The following NLGN1 variants were observed in gnomAD, a reference collection of about 807,000 sequenced individuals.
NLGN1 encodes neuroligin-1.
NLGN1 carries 12 observed loss-of-function variants against 65.5 expected under a neutral mutation model. The observed-to-expected ratio is 0.18, with a 90% confidence interval of 0.12 to 0.30. The LOEUF is 0.30. Ranked by LOEUF, NLGN1 falls within the 10% of genes least tolerant of loss-of-function variation. NLGN1 has a pLI of 1.00. For missense variants in NLGN1, 750 were observed against 1,007.1 expected (o/e 0.74, Z 3.46); for synonymous variants, 350 against 359.5 (o/e 0.97, Z 0.30).
chr3:173,662,890 G>A (rs1367249541), intron 3 of NLGN1, among the ~76,000 whole-genome samples: 1 of 151,882 alleles, frequency 6.6e-6, no homozygotes, highest in Admixed American at 6.6e-5. Flanking sequence ...CTTTTCCATA[G>A]GTATTTGGAG....
chr3:173,949,697 G>A (rs2152326134), intron 4 of NLGN1, among the ~76,000 whole-genome samples: 1 of 152,262 alleles, frequency 6.6e-6, no homozygotes, highest in Non-Finnish European at 1.5e-5. Context: ...GTCAGAAAGT[G>A]AAACATGACA....
In NLGN1 at chr3:174,043,020, C is replaced by T. The variant is rs145091598; in HGVS notation, c.647-232295C>T. Among the ~76,000 whole-genome samples the T allele has an allele frequency of 6.2e-3, 950 of 152,262 alleles. 22 individuals carry two copies. The highest frequency in any genetic ancestry group is 0.039 in the East Asian group (200 of 5,170). ...CTTACAATCATGGTGGAAAGCACCT[C>T]GTCACAGGATGGCAGGAGAGAAAAA... On this transcript the variant is annotated intron_variant, in intron 4 of 6. Transcript: ENST00000457714.
chr3:173,867,140 A>G (rs1451655775), intron 4 of NLGN1, among the ~76,000 whole-genome samples: 7 of 152,290 alleles, frequency 4.6e-5, no homozygotes, highest in Non-Finnish European at 4.4e-5. Flanking sequence ...TTTAGATAAA[A>G]ACTATCAAAT....
At chr3:173,840,974 A>C (rs2150673299) in intron 4 of NLGN1, among the ~76,000 whole-genome samples, 1 of 152,266 alleles carries the variant, frequency 6.6e-6, no homozygotes, top group South Asian at 2.1e-4. Context: ...AATCCCTGTA[A>C]ATACTGTAGA....
chr3:174,057,742 A>C (rs978978422), intron 4 of NLGN1: 2 of 152,052 alleles, frequency 1.3e-5, no homozygotes, highest in African/African-American at 2.4e-5. Flanking sequence ...CTCCATCTGC[A>C]TCTCTCCCAA....
intron 4 of NLGN1, among the ~76,000 whole-genome samples, chr3:173,924,579 C>T (rs946303393): frequency 1.3e-4 from 19 of 151,402 alleles, no homozygotes; most frequent in Admixed American, 1.1e-3. Context: ...GCCATAGTCA[C>T]CCCACTGCAA....
At chr3:173,433,849 T>C (rs1717626188) in intron 1 of NLGN1, among the ~76,000 whole-genome samples, 1 of 152,202 alleles carries the variant, frequency 6.6e-6, no homozygotes, top group Admixed American at 6.5e-5. Context: ...TTAGGTTATA[T>C]AATTAGTATT....
At chr3:174,118,630 T>C (rs1057138432) in intron 4 of NLGN1, among the ~76,000 whole-genome samples, 5 of 152,112 alleles carry the variant, frequency 3.3e-5, no homozygotes, top group African/African-American at 1.2e-4. Context: ...GAAGTTATTC[T>C]TGAAGGATTC....
At chr3:174,255,571 T>C (rs1745565188) in intron 4 of NLGN1, among the ~76,000 whole-genome samples, 2 of 151,884 alleles carry the variant, frequency 1.3e-5, no homozygotes, top group Admixed American at 6.5e-5. Context: ...TTGATCAATT[T>C]TGAGATTTAA....
intron 4 of NLGN1, among the ~76,000 whole-genome samples, chr3:174,242,142 G>C (rs1463549474): frequency 6.6e-6 from 1 of 152,152 alleles, no homozygotes; most frequent in Non-Finnish European, 1.5e-5. Context: ...TGATTTTAAT[G>C]TGTTGATAAT....
At chr3:173,792,385 C>T (rs944240068) in intron 3 of NLGN1, among the ~76,000 whole-genome samples, 1 of 152,104 alleles carries the variant, frequency 6.6e-6, no homozygotes, top group Admixed American at 6.6e-5. Flanking sequence ...GTGTAGAGAA[C>T]TATCTCTCTC....
rs1458389137 is a variant in NLGN1 at position 173,420,052 on chromosome 3, A to C, written c.-389-14958A>C. On this transcript the variant is annotated intron_variant, in intron 1 of 6. Transcript: ENST00000457714. Reference sequence around the variant, plus strand: ...ACCTTTTTTGTTTTCCATTTGCTTGATAGATCTTTTTTCTTTTTTTTTTCA... The same window carrying C: ...ACCTTTTTTGTTTTCCATTTGCTTGCTAGATCTTTTTTCTTTTTTTTTTCA... Among the ~76,000 whole-genome samples, 12 of 145,892 alleles carry C rather than the reference A, an allele frequency of 8.2e-5. No individual in the cohort carries two copies. The Admixed American group carries it at 8.4e-4, about 10-fold the overall frequency.
At chr3:174,052,929 A>G (rs1380107208) in intron 4 of NLGN1, among the ~76,000 whole-genome samples, 1 of 152,166 alleles carries the variant, frequency 6.6e-6, no homozygotes, top group Non-Finnish European at 1.5e-5. Context: ...AAATGCTCCT[A>G]CAAAATAGAT....
At chr3:173,800,087 C>G (rs1715115346) in intron 3 of NLGN1, among the ~76,000 whole-genome samples, 1 of 150,192 alleles carries the variant, frequency 6.7e-6, no homozygotes, top group African/African-American at 2.4e-5. Context: ...ATATTTACAA[C>G]CCAAATCTTC....
chr3:174,112,695 A>G (rs940939070), intron 4 of NLGN1, among the ~76,000 whole-genome samples: 6 of 152,024 alleles, frequency 3.9e-5, no homozygotes, highest in African/African-American at 9.7e-5. Flanking sequence ...ACAGTAGAAG[A>G]CAAGATTAAA....
chr3:173,828,930 T>TGG (rs35192996), intron 4 of NLGN1, among the ~76,000 whole-genome samples: 1 of 151,304 alleles, frequency 6.6e-6, no homozygotes, highest in African/African-American at 2.4e-5. Context: ...TGTTGCTTTT[T>TGG]GGGGGGGATT....
At chr3:173,754,031 T>G (rs1021057354) in intron 3 of NLGN1, among the ~76,000 whole-genome samples, 26 of 146,622 alleles carry the variant, frequency 1.8e-4, no homozygotes, top group African/African-American at 6.4e-4. Context: ...TTTCTTTTTT[T>G]TTTTTTGTTT....
At chr3:174,148,890 C>T (rs1723830522) in intron 4 of NLGN1, among the ~76,000 whole-genome samples, 2 of 152,160 alleles carry the variant, frequency 1.3e-5, no homozygotes, top group Admixed American at 1.3e-4. Context: ...CTATTGCAGG[C>T]CTTCCACAGG....
chr3:174,007,623 C>A (rs748651486), intron 4 of NLGN1, among the ~76,000 whole-genome samples: 9 of 152,144 alleles, frequency 5.9e-5, no homozygotes, highest in Non-Finnish European at 1.3e-4. Context: ...ATAGCAGAAA[C>A]CAGATCTAAC....
Sources: allele counts gnomAD v4.1 joint callset (sites outside exome capture counted in the v4.1 genomes callset), GRCh38; gene constraint gnomAD v4.1.1; transcripts MANE v1.5; gene names NCBI Gene and HGNC (gene_info 2026-07-23, HGNC 2026-07-21).